CEP112: variants seen among roughly 807,000 people sequenced by gnomAD.
The protein encoded by CEP112 is centrosomal protein 112, also known as centrosomal protein of 112 kDa.
A neutral mutation model predicts 153.0 loss-of-function variants in CEP112; 127 were observed. The ratio of observed to expected loss-of-function variants is 0.83; its 90% CI spans 0.72 to 0.96. The LOEUF is 0.96. Among genes scored for constraint, CEP112 ranks in the 40% least tolerant of loss-of-function variants. The pLI is 0.00. For synonymous variants in CEP112, 358 were observed against 374.4 expected, an observed-to-expected ratio of 0.96 and a Z score of 0.51; for missense variants, 1,089 against 1,101.2, an observed-to-expected ratio of 0.99 and a Z score of 0.16.
chr17:65,804,591 G>A (rs1173617431), intron 21 of CEP112, among the ~76,000 whole-genome samples: 1 of 151,942 alleles, frequency 6.6e-6, no homozygotes. Context: ...ATTCTGGGCA[G>A]AATAAGAAAC....
At chr17:65,920,691 T>C (rs1275866886) in intron 19 of CEP112, among the ~76,000 whole-genome samples, 1 of 151,906 alleles carries the variant, frequency 6.6e-6, no homozygotes, top group Non-Finnish European at 1.5e-5. Flanking sequence ...TCTGAACATG[T>C]TCGAGTTTGT....
At chr17:65,721,769 A>T (rs1273220099) in intron 23 of CEP112, among the ~76,000 whole-genome samples, 2 of 152,198 alleles carry the variant, frequency 1.3e-5, no homozygotes, top group African/African-American at 4.8e-5. Context: ...GTGTTTAAAA[A>T]GATGCCTTTT....
At chr17:66,094,498 A>G (rs1408682354) in intron 8 of CEP112, among the ~76,000 whole-genome samples, 3 of 152,224 alleles carry the variant, frequency 2.0e-5, no homozygotes, top group Non-Finnish European at 4.4e-5. Context: ...ATATACAAAA[A>G]TCAATTTAAA....
intron 2 of CEP112, chr17:66,182,051 A>G (rs1327029055): frequency 6.6e-6 from 1 of 152,210 alleles, no homozygotes; most frequent in Non-Finnish European, 1.5e-5. Flanking sequence ...TTCTCCTAAC[A>G]CAGCTCCCTG....
intron 19 of CEP112, 33 bp from the exon 20 acceptor site, chr17:65,902,367 C>T (rs376831833): frequency 1.3e-6 from 2 of 1,572,558 alleles, no homozygotes; most frequent in Non-Finnish European, 1.7e-6. Flanking sequence ...AGTTCATCAA[C>T]AGAACATCCT....
chr17:66,047,372 T>C (rs1271916), intron 12 of CEP112, among the ~76,000 whole-genome samples: 1 of 152,168 alleles, frequency 6.6e-6, no homozygotes, highest in African/African-American at 2.4e-5. Context: ...CCACCTTGGC[T>C]TCCCAAAGTG....
intron 23 of CEP112, among the ~76,000 whole-genome samples, chr17:65,719,760 AT>A (rs200555567): frequency 0.023 from 3,482 of 152,232 alleles, 61 homozygotes; most frequent in Non-Finnish European, 0.034. Context: ...CTAACTGAAG[AT>A]TTTTTAAAAG....
At chr17:65,869,354 T>G (rs1257341294) in intron 20 of CEP112, among the ~76,000 whole-genome samples, 2 of 152,158 alleles carry the variant, frequency 1.3e-5, no homozygotes, top group African/African-American at 4.8e-5. Context: ...TAATTGGAAA[T>G]GAAATCATTA....
chr17:66,010,993 CCCT>C (rs1416244427), intron 16 of CEP112, among the ~76,000 whole-genome samples: 1 of 151,940 alleles, frequency 6.6e-6, no homozygotes, highest in African/African-American at 2.4e-5. Flanking sequence ...AAGGAGGAGT[CCCT>C]CCTCCTCAAT....
intron 22 of CEP112, among the ~76,000 whole-genome samples, chr17:65,746,096 C>T (rs781389372): frequency 4.6e-5 from 6 of 129,696 alleles, no homozygotes; most frequent in South Asian, 2.6e-4. Context: ...ACCCGGGAGG[C>T]GGAGGCCGCA....
Position 66,053,721 on chromosome 17 carries a change from G to A in CEP112, c.1218+15C>T. On this transcript the variant is annotated intron_variant, in intron 12 of 26. Coordinates refer to ENST00000535342, the MANE Select transcript of CEP112 (RefSeq NM_001199165.4). ...GACAGGTTCTAAGATGTCAAGAACAGGTTTAAAGACTCACTGTGGACTGTG... is the reference window on the plus strand; with the variant it reads ...GACAGGTTCTAAGATGTCAAGAACAAGTTTAAAGACTCACTGTGGACTGTG... The A allele has an allele frequency of 6.2e-7, 1 of 1,607,292 alleles. No individual in the cohort carries two copies. Among genetic ancestry groups the A allele is most frequent in the Non-Finnish European group, 8.5e-7 (1 of 1,176,148 alleles).
chr17:65,937,778 G>A lies in CEP112; in HGVS notation c.1873-10089C>T, dbSNP rs1195363606. Among the ~76,000 whole-genome samples, 11 of 87,028 alleles carry A rather than the reference G, an allele frequency of 1.3e-4. 4 individuals are homozygous for A. Among genetic ancestry groups the A allele is most frequent in the Admixed American group, 3.0e-4 (2 of 6,612 alleles). 57.1% of individuals were successfully genotyped at this position (87,028 alleles called of 152,430 possible). ...GCCCCCCAGCCCAGCCAGCCGCCCCGTCTGGGAGGGGGGTGGGGGGGGTCA... is the reference window on the plus strand; with the variant it reads ...GCCCCCCAGCCCAGCCAGCCGCCCCATCTGGGAGGGGGGTGGGGGGGGTCA... On this transcript the variant is annotated intron_variant, in intron 18 of 26. Coordinates refer to ENST00000535342, the MANE Select transcript of CEP112 (RefSeq NM_001199165.4).
chr17:65,933,224 C>A (rs1188845040), intron 18 of CEP112, among the ~76,000 whole-genome samples: 1 of 151,554 alleles, frequency 6.6e-6, no homozygotes, highest in African/African-American at 2.4e-5. Flanking sequence ...AATAGGAGAT[C>A]CAAAGGAGAA....
chr17:65,734,304 A>G (rs1163643206), intron 23 of CEP112, among the ~76,000 whole-genome samples: 2 of 152,184 alleles, frequency 1.3e-5, no homozygotes, highest in African/African-American at 4.8e-5. Flanking sequence ...AGAACATGGC[A>G]TCTATGTTGA....
At chr17:66,092,392 T>TAC (rs1006547382) in intron 8 of CEP112, among the ~76,000 whole-genome samples, 2 of 40,642 alleles carry the variant, frequency 4.9e-5, no homozygotes, top group Non-Finnish European at 1.1e-4. Context: ...CACACACAGA[T>TAC]ACACACACAC....
At chr17:66,166,847 T>C (rs2071385120) in intron 4 of CEP112, among the ~76,000 whole-genome samples, 1 of 144,900 alleles carries the variant, frequency 6.9e-6, no homozygotes, top group African/African-American at 2.6e-5. Flanking sequence ...GAGGTTGCAG[T>C]GAGCCGAGAT....
intron 20 of CEP112, among the ~76,000 whole-genome samples, chr17:65,897,761 A>G (rs1052708496): frequency 2.0e-5 from 3 of 152,132 alleles, no homozygotes; most frequent in African/African-American, 7.2e-5. Flanking sequence ...TCTAGTAATT[A>G]CATTTTATGA....
chr17:65,663,425 T>C (rs985546206), intron 24 of CEP112, among the ~76,000 whole-genome samples: 3 of 152,198 alleles, frequency 2.0e-5, no homozygotes, highest in Non-Finnish European at 4.4e-5. Flanking sequence ...ACACATGGTA[T>C]AGCTCAACTT....
chr17:65,900,340 A>C (rs1432293627), intron 20 of CEP112, among the ~76,000 whole-genome samples: 1 of 152,184 alleles, frequency 6.6e-6, no homozygotes, highest in Non-Finnish European at 1.5e-5. Flanking sequence ...ACAATCCTAA[A>C]TTACAGCATT....
Sources: gnomAD v4.1 joint callset for allele counts (sites outside exome capture counted in the v4.1 genomes callset) on GRCh38, gnomAD v4.1.1 for gene constraint, MANE v1.5 for transcripts, NCBI Gene and HGNC (gene_info 2026-07-23, HGNC 2026-07-21) for gene names.